C4A: variants seen among roughly 807,000 people sequenced by gnomAD.
C4A encodes complement C4-A.
In C4A, 12 loss-of-function variants were observed where a neutral mutation model predicts 45.7. The ratio of observed to expected loss-of-function variants is 0.26; its 90% CI spans 0.17 to 0.43. The LOEUF (loss-of-function observed/expected upper bound fraction) is 0.43. Ranked by LOEUF, C4A falls within the 20% of genes least tolerant of loss-of-function variation. The pLI, the probability that C4A is intolerant of heterozygous loss-of-function variation, is 1.00. For missense variants in C4A, 127 were observed against 534.4 expected, an observed-to-expected ratio of 0.24 and a Z score of 7.52; for synonymous variants, 66 against 230.7, an observed-to-expected ratio of 0.29 and a Z score of 6.47.
Position 31,996,436 on chromosome 6 carries a change from C to G in C4A, c.3512C>G (p.Ser1171Cys). ...CCTCCCGTTTTCTTCCAGGAAGCCT[C>G]CATCTCAAAGGCAAACTCATTTTTG... ...AEPLKQRVEA[S>C]ISKANSFLGE... Residue 1171 changes from serine (S) to cysteine (C), a missense_variant, in exon 28 of 41, where the codon TCC becomes TGC. Ser to Cys is a moderately radical substitution (Grantham distance 112, BLOSUM62 -1). Coordinates refer to ENST00000428956, the MANE Select transcript of C4A (RefSeq NM_007293.3). The G allele has an allele frequency of 1.3e-6, 2 of 1,588,532 alleles. No homozygotes were observed. Among genetic ancestry groups the G allele is most frequent in the Non-Finnish European group, 1.7e-6 (2 of 1,158,270 alleles).
At chr6:31,997,607 G>T (rs1774556467) in intron 30 of C4A, 98 bp from the exon 31 acceptor site, 1 of 1,608,928 alleles carries the variant, frequency 6.2e-7, no homozygotes, top group African/African-American at 1.3e-5. Context: ...GGGGAGAGGA[G>T]GTGGGGCTGT....
intron 20 of C4A, 46 bp from the exon 21 acceptor site, chr6:31,994,452 G>T: frequency 6.7e-7 from 1 of 1,488,740 alleles, no homozygotes; most frequent in Non-Finnish European, 9.1e-7. Context: ...GGGTGGGGAG[G>T]CTAACCGGGC....
rs1256936740 is a variant in C4A, at chr6:31,996,566, C to A, written c.3642C>A (p.His1214Gln). The A allele has an allele frequency of 6.3e-7, 1 of 1,588,764 alleles. No individual in the cohort carries two copies. Among genetic ancestry groups the A allele is most frequent in the East Asian group, 2.2e-5 (1 of 44,780 alleles). The change falls in exon 28 of 41, where the codon CAC becomes CAA. Residue 1214 changes from histidine to glutamine, a missense_variant. Physicochemically the swap from His to Gln is conservative, Grantham distance 24. Coordinates refer to ENST00000428956, the MANE Select transcript of C4A (RefSeq NM_007293.3). ...CTGTGGACCTGCTCGGTGTTGCCCA[C>A]AACAACCTCATGGCAATGGCCCAGG... The part of the protein sequence containing the change: ...KAPVDLLGVA[H>Q]NNLMAMAQET...
At position 31,996,481 on chromosome 6, in the gene C4A, G is replaced by T. The variant is rs900415596; in HGVS notation, c.3557G>T (p.Gly1186Val). ...NSFLGEKASA[G>V]LLGAHAAAIT... Reference sequence around the variant, plus strand: ...TTTTTGGGGGAGAAAGCAAGTGCTGGGCTCCTGGGTGCCCACGCAGCTGCC... The same window carrying T: ...TTTTTGGGGGAGAAAGCAAGTGCTGTGCTCCTGGGTGCCCACGCAGCTGCC... The change falls in exon 28 of 41, where the codon GGG (glycine) becomes GTG (valine). Residue 1186 changes from glycine to valine, a missense_variant. By Grantham distance (109) the Gly-to-Val change is moderately radical. Coordinates refer to ENST00000428956, the MANE Select transcript of C4A (RefSeq NM_007293.3). 1 of 1,588,958 alleles carries T rather than the reference G, an allele frequency of 6.3e-7. No homozygotes were observed.
At chr6:31,995,892 C>G in intron 25 of C4A, 63 bp from the exon 26 acceptor site, 1 of 1,522,416 alleles carries the variant, frequency 6.6e-7, no homozygotes, top group Admixed American at 1.8e-5. Flanking sequence ...AACCAGGCAC[C>G]TGGGGGCGTG....
rs374202211 is a variant in C4A, at chr6:31,994,395, A to G, written c.2592+11A>G. 1.3e-5 allele frequency: 17 copies of G among 1,306,034 alleles called. 5 individuals carry two copies. Among genetic ancestry groups the G allele is most frequent in the African/African-American group, 1.1e-4 (3 of 26,766 alleles). The allele number at this position is 1,306,034 out of a possible 1,614,324, so 80.9% of individuals were successfully genotyped here. ...GATAAAAACCTGACTGTGAGGCCCCATAGGAGCCTGAGCATACAGGAGTTG... is the reference window on the plus strand; with the variant it reads ...GATAAAAACCTGACTGTGAGGCCCCGTAGGAGCCTGAGCATACAGGAGTTG... On this transcript the variant is annotated intron_variant, in intron 20 of 40. Coordinates refer to ENST00000428956, the MANE Select transcript of C4A (RefSeq NM_007293.3).
rs1582244588 is a variant in C4A, at chr6:31,996,726, T to C, written c.3677-103T>C. On this transcript the variant is annotated intron_variant, in intron 28 of 40. Coordinates refer to ENST00000428956, the MANE Select transcript of C4A (RefSeq NM_007293.3). ...GAATGAAGTTATAAGCAGGGGTGGG[T>C]TGGGGGAGACTCAGGAGAGCCCAGC... 1.2e-5 allele frequency: 17 copies of C among 1,459,808 alleles called. 1 individual carries two copies. The highest frequency in any genetic ancestry group is 1.6e-5 in the Non-Finnish European group (17 of 1,072,628). 90.4% of individuals were successfully genotyped at this position (1,459,808 alleles called of 1,614,324 possible).
Position 31,996,568 on chromosome 6 carries a change from A to G in C4A, c.3644A>G (p.Asn1215Ser), listed in dbSNP as rs1448524972. The G allele has an allele frequency of 1.3e-6, 2 of 1,588,640 alleles. No individual in the cohort carries two copies. The highest frequency in any genetic ancestry group is 1.7e-6 in the Non-Finnish European group (2 of 1,158,454). The part of the protein sequence containing the change: ...APVDLLGVAH[N>S]NLMAMAQETG... Reference sequence around the variant, plus strand: ...GTGGACCTGCTCGGTGTTGCCCACAACAACCTCATGGCAATGGCCCAGGAG... The same window carrying G: ...GTGGACCTGCTCGGTGTTGCCCACAGCAACCTCATGGCAATGGCCCAGGAG... Residue 1215 changes from asparagine (N) to serine (S), a missense_variant, in exon 28 of 41, where the codon AAC (asparagine) becomes AGC (serine). Asn to Ser is a conservative substitution (Grantham distance 46). Coordinates refer to ENST00000428956, the MANE Select transcript of C4A (RefSeq NM_007293.3).
At chr6:31,994,856 TC>T in intron 21 of C4A, 95 bp from the exon 22 acceptor site, 1 of 1,048,792 alleles carries the variant, frequency 9.5e-7, no homozygotes, top group South Asian at 1.4e-5. Context: ...TCCAACTCTG[TC>T]CCTGGAGTTG....
chr6:31,996,560 T>C lies in C4A; in HGVS notation c.3636T>C (p.Val1212=), dbSNP rs1440453969. 4 of 1,588,332 alleles carry C rather than the reference T, an allele frequency of 2.5e-6. 1 individual carries two copies. In the East Asian group the frequency reaches 8.9e-5, roughly 35 times the overall value. ...LTKAPVDLLG[V]AHNNLMAMAQ... The stretch of plus-strand genomic sequence containing the variant: ...AGGCGCCTGTGGACCTGCTCGGTGT[T>C]GCCCACAACAACCTCATGGCAATGG... The change falls in exon 28 of 41, where the codon GTT becomes GTC. Residue 1212 remains valine (V), a synonymous_variant. Coordinates refer to ENST00000428956, the MANE Select transcript of C4A (RefSeq NM_007293.3).
intron 26 of C4A, 34 bp from the exon 27 acceptor site, chr6:31,996,173 C>A (rs780428904): frequency 1.1e-5 from 17 of 1,582,968 alleles, no homozygotes; most frequent in Non-Finnish European, 1.5e-5. Flanking sequence ...TGCCCCTTCC[C>A]CCTCCTGTTT....
chr6:31,994,433 C>T, intron 20 of C4A, 49 bp downstream of exon 20: 1 of 1,420,636 alleles, frequency 7.0e-7, no homozygotes, highest in Non-Finnish European at 9.5e-7. Flanking sequence ...GGAGCCAGGG[C>T]CCAGTGAGGG....
chr6:31,996,811 G>A lies in C4A; in HGVS notation c.3677-18G>A. ...CTCCCTGCCTTCCTGTTTACTCGTG[G>A]TCTCCCTTCACTTTCAGATAACCTG... On this transcript the variant is annotated intron_variant, in intron 28 of 40. Coordinates refer to ENST00000428956, the MANE Select transcript of C4A (RefSeq NM_007293.3). The A allele has an allele frequency of 1.0e-6, 1 of 984,672 alleles. No individual in the cohort carries two copies. Among genetic ancestry groups the A allele is most frequent in the Non-Finnish European group, 1.5e-6 (1 of 671,094 alleles). The allele number at this position is 984,672 out of a possible 1,614,324, so 61.0% of individuals were successfully genotyped here.
chr6:31,996,155 A>G, intron 26 of C4A, 44 bp downstream of exon 26: 3 of 1,585,038 alleles, frequency 1.9e-6, no homozygotes, highest in Non-Finnish European at 2.6e-6. Context: ...CTGTCGGAGG[A>G]CTCTCTTTGC....
intron 28 of C4A, 98 bp from the exon 29 acceptor site, chr6:31,996,731 G>A: frequency 7.1e-7 from 1 of 1,417,456 alleles, no homozygotes; most frequent in Non-Finnish European, 9.6e-7. Flanking sequence ...GTGGGTTGGG[G>A]GAGACTCAGG....
Position 31,996,273 on chromosome 6 carries a change from G to T in C4A, c.3454G>T (p.Gly1152Trp). Residue 1152 changes from glycine to tryptophan, a missense_variant, in exon 27 of 41, where the codon GGG (glycine) becomes TGG (tryptophan). Transcript: ENST00000428956. ...CTTTGTGACCATCGCCCTTCATCAT[G>T]GGCTGGCCGTCTTCCAGGATGAGGG... is the stretch of plus-strand genomic sequence containing the variant. ...TAFVTIALHHGLAVFQDEGAE... is the reference protein window; with the variant it reads ...TAFVTIALHHWLAVFQDEGAE... 6.4e-7 allele frequency: 1 copy of T among 1,569,114 alleles called. No homozygotes were observed. The highest frequency in any genetic ancestry group is 2.2e-5 in the East Asian group (1 of 44,594).
At position 31,996,615 on chromosome 6, in the gene C4A, G is replaced by C; in HGVS notation, c.3676+15G>C. 5 of 1,588,712 alleles carry C rather than the reference G, an allele frequency of 3.1e-6. 1 individual carries two copies. The highest frequency in any genetic ancestry group is 4.3e-6 in the Non-Finnish European group (5 of 1,158,602). ...GGAGACTGGAGGTGAGGGGTGAGGC[G>C]CTCCTGGCAGTGAGCCTGAGGCCCA... On this transcript the variant is annotated intron_variant, in intron 28 of 40. Coordinates refer to ENST00000428956, the MANE Select transcript of C4A (RefSeq NM_007293.3).
At position 31,996,570 on chromosome 6, in the gene C4A, A is replaced by G. The variant is rs1352049382; in HGVS notation, c.3646A>G (p.Asn1216Asp). 1 of 1,588,634 alleles carries G rather than the reference A, an allele frequency of 6.3e-7. No individual in the cohort carries two copies. The highest frequency in any genetic ancestry group is 1.4e-5 in the African/African-American group (1 of 73,102). The change falls in exon 28 of 41, where the codon AAC becomes GAC. Residue 1216 changes from asparagine to aspartate, a missense_variant. Asn to Asp is a conservative substitution (Grantham distance 23, BLOSUM62 1). Transcript: ENST00000428956. ...GGACCTGCTCGGTGTTGCCCACAAC[A>G]ACCTCATGGCAATGGCCCAGGAGAC... is the stretch of plus-strand genomic sequence containing the variant. ...PVDLLGVAHN[N>D]LMAMAQETGD...
intron 30 of C4A, 137 bp downstream of exon 30, chr6:31,997,448 G>A: frequency 4.4e-6 from 1 of 226,452 alleles, no homozygotes; most frequent in Non-Finnish European, 6.1e-6. Context: ...TTCGGGGGAA[G>A]ACTGACTTCC....
Sources: gnomAD v4.1 joint callset for allele counts on GRCh38, gnomAD v4.1.1 for gene constraint, MANE v1.5 for transcripts, NCBI Gene and HGNC (gene_info 2026-07-23, HGNC 2026-07-21) for gene names.